Variants in PCDHA13 observed in about 807,000 individuals in gnomAD.
The protein encoded by PCDHA13 is protocadherin alpha 13, also known as protocadherin alpha-13.
PCDHA13 carries 54 observed loss-of-function variants against 64.8 expected under a neutral mutation model. That is an observed-to-expected ratio of 0.83 (90% CI 0.67 to 1.04). The LOEUF (loss-of-function observed/expected upper bound fraction) is 1.04. Among genes scored for constraint, PCDHA13 ranks in the 50% least tolerant of loss-of-function variants. PCDHA13 has a pLI of 0.00. For missense variants in PCDHA13, 1,248 were observed against 1,254.3 expected (o/e 0.99, Z 0.08); for synonymous variants, 587 against 564.4 (o/e 1.04, Z -0.57).
chr5:140,951,520 A>G (rs904780831), intron 1 of PCDHA13, among the ~76,000 whole-genome samples: 6 of 151,972 alleles, frequency 3.9e-5, no homozygotes, highest in Admixed American at 2.0e-4. Context: ...CTCATCTTAC[A>G]TGGCCGGTGC....
At chr5:140,911,560 A>T (rs1554194794) in intron 1 of PCDHA13, among the ~76,000 whole-genome samples, 2 of 152,170 alleles carry the variant, frequency 1.3e-5, no homozygotes, top group Non-Finnish European at 2.9e-5. Flanking sequence ...ATTTTCTTTC[A>T]TCACTTTGTC....
chr5:140,941,194 TC>T lies in PCDHA13; in HGVS notation c.2395-37754del, dbSNP rs1420421121. 9.3e-3 allele frequency among the ~76,000 whole-genome samples: 1,044 copies of T among 112,328 alleles called. 8 individuals carry two copies. The highest frequency in any genetic ancestry group is 0.018 in the Admixed American group (200 of 11,012). 73.7% of individuals were successfully genotyped at this position (112,328 alleles called of 152,430 possible). The stretch of plus-strand genomic sequence containing the variant: ...CTTGAACATCCTGCTTCTTTTTTTT[TC>T]TTTCTTCCTTTCTTTCTTCCTTTCT... On this transcript the variant is annotated intron_variant, in intron 1 of 3. Coordinates refer to ENST00000289272, the MANE Select transcript of PCDHA13 (RefSeq NM_018904.3).
chr5:140,932,493 T>C (rs148938081), intron 1 of PCDHA13, among the ~76,000 whole-genome samples: 1 of 151,888 alleles, frequency 6.6e-6, no homozygotes, highest in Non-Finnish European at 1.5e-5. Flanking sequence ...CTTTGCAATG[T>C]CATTTGTTAA....
rs781815387 is a variant in PCDHA13, at chr5:140,978,983, C to A, written c.2429C>A (p.Ala810Asp). The part of the protein sequence containing the change: ...RQPNPDWRYS[A>D]SLRAGMHSSV... Reference sequence around the variant, plus strand: ...CCCAACCCTGACTGGCGTTACTCTGCCTCCCTGAGAGCAGGCATGCACAGG... The same window carrying A: ...CCCAACCCTGACTGGCGTTACTCTGACTCCCTGAGAGCAGGCATGCACAGG... Residue 810 changes from alanine (A) to aspartate (D), a missense_variant, in exon 2 of 4, where the codon GCC (alanine) becomes GAC (aspartate). By Grantham distance (126) the Ala-to-Asp change is moderately radical. Transcript: ENST00000289272. 1.6e-5 allele frequency: 26 copies of A among 1,614,142 alleles called. No homozygotes were observed. Among genetic ancestry groups the A allele is most frequent in the Non-Finnish European group, 2.2e-5 (26 of 1,180,024 alleles).
chr5:140,973,148 T>G (rs2096574239), intron 1 of PCDHA13, among the ~76,000 whole-genome samples: 1 of 152,210 alleles, frequency 6.6e-6, no homozygotes, highest in Non-Finnish European at 1.5e-5. Context: ...TTCACTTATT[T>G]TAAAGCAATT....
intron 1 of PCDHA13, among the ~76,000 whole-genome samples, chr5:140,951,473 C>G (rs1009151700): frequency 1.3e-5 from 2 of 151,880 alleles, no homozygotes; most frequent in Non-Finnish European, 2.9e-5. Context: ...TTCTGGGGAG[C>G]CTTCAAGAAT....
chr5:140,921,631 T>A (rs1435281144), intron 1 of PCDHA13, among the ~76,000 whole-genome samples: 1 of 152,206 alleles, frequency 6.6e-6, no homozygotes, highest in East Asian at 1.9e-4. Flanking sequence ...ATCATCATTA[T>A]GGTAGCTATT....
chr5:140,999,934 T>C (rs1236304987), intron 3 of PCDHA13, among the ~76,000 whole-genome samples: 1 of 152,068 alleles, frequency 6.6e-6, no homozygotes, highest in Non-Finnish European at 1.5e-5. Context: ...GCTCAACTCA[T>C]TCCACCCAAA....
intron 1 of PCDHA13, among the ~76,000 whole-genome samples, chr5:140,919,693 T>C (rs1383014744): frequency 6.6e-6 from 1 of 152,234 alleles, no homozygotes; most frequent in Admixed American, 6.5e-5. Context: ...TTCAGATTTA[T>C]ATTAACTTAA....
chr5:140,978,424 T>C (rs1554239310), intron 1 of PCDHA13, among the ~76,000 whole-genome samples: 1 of 152,238 alleles, frequency 6.6e-6, no homozygotes, highest in African/African-American at 2.4e-5. Flanking sequence ...GAGACTGTTA[T>C]CAGTTGCTGG....
Position 140,887,790 on chromosome 5 carries a change from T to C in PCDHA13, c.2394+3128T>C, listed in dbSNP as rs564215639. On this transcript the variant is annotated intron_variant, in intron 1 of 3. Coordinates refer to ENST00000289272, the MANE Select transcript of PCDHA13 (RefSeq NM_018904.3). ...ACAATGACACAGGTCATTGAAGCGT[T>C]CTTTATTTTTGTCCATTTCTTTCTC... Among the ~76,000 whole-genome samples, 4 of 152,288 alleles carry C rather than the reference T, an allele frequency of 2.6e-5. No individual in the cohort carries two copies. The East Asian group carries it at 7.7e-4, about 29-fold the overall frequency.
chr5:140,896,847 A>G (rs892276664), intron 1 of PCDHA13, among the ~76,000 whole-genome samples: 5 of 152,064 alleles, frequency 3.3e-5, no homozygotes, highest in African/African-American at 4.8e-5. Flanking sequence ...TTTTAATTTT[A>G]TGGGTACATA....
chr5:140,891,748 C>G (rs575198849), intron 1 of PCDHA13, among the ~76,000 whole-genome samples: 2 of 152,242 alleles, frequency 1.3e-5, no homozygotes, highest in African/African-American at 4.8e-5. Flanking sequence ...CCTTATACAA[C>G]AGTGTTGGGA....
intron 3 of PCDHA13, 65 bp downstream of exon 3, chr5:140,982,628 G>T: frequency 6.3e-7 from 1 of 1,578,118 alleles, no homozygotes; most frequent in Non-Finnish European, 8.6e-7. Flanking sequence ...ACCTACTTTT[G>T]TAAGATCAGG....
chr5:140,986,000 A>G (rs549071976), intron 3 of PCDHA13, among the ~76,000 whole-genome samples: 1 of 151,922 alleles, frequency 6.6e-6, no homozygotes, highest in Non-Finnish European at 1.5e-5. Flanking sequence ...CAGCCTCCCA[A>G]AGTGCTGGGA....
intron 2 of PCDHA13, among the ~76,000 whole-genome samples, chr5:140,979,726 G>A (rs2096861839): frequency 1.3e-5 from 2 of 152,072 alleles, no homozygotes; most frequent in African/African-American, 4.8e-5. Context: ...CATGCCATGG[G>A]GCCAAATAAA....
At chr5:140,903,800 A>T (rs2070614237) in intron 1 of PCDHA13, among the ~76,000 whole-genome samples, 1 of 152,178 alleles carries the variant, frequency 6.6e-6, no homozygotes, top group African/African-American at 2.4e-5. Context: ...GTTGTAATTG[A>T]CAAGTATAGT....
intron 1 of PCDHA13, chr5:140,927,386 C>T: frequency 6.2e-7 from 1 of 1,614,106 alleles, no homozygotes; most frequent in African/African-American, 1.3e-5. Flanking sequence ...AGCCTAAGCC[C>T]CAGTCAGCAC....
At chr5:140,997,098 C>T (rs1328956245) in intron 3 of PCDHA13, among the ~76,000 whole-genome samples, 12 of 152,128 alleles carry the variant, frequency 7.9e-5, no homozygotes, top group Admixed American at 5.2e-4. Context: ...GCAGAGTTCT[C>T]ATGCACTCCT....
Sources: gnomAD v4.1 joint callset for allele counts (sites outside exome capture counted in the v4.1 genomes callset) on GRCh38, gnomAD v4.1.1 for gene constraint, MANE v1.5 for transcripts, NCBI Gene and HGNC (gene_info 2026-07-23, HGNC 2026-07-21) for gene names.